EFCAB11: variants seen among roughly 807,000 people sequenced by gnomAD.
EFCAB11 encodes EF-hand calcium-binding domain-containing protein 11.
A neutral mutation model predicts 23.0 loss-of-function variants in EFCAB11; 14 were observed. The ratio of observed to expected loss-of-function variants is 0.61; its 90% CI spans 0.40 to 0.95. The LOEUF (loss-of-function observed/expected upper bound fraction) is 0.95. Ranked by LOEUF, EFCAB11 falls within the 40% of genes least tolerant of loss-of-function variation. The pLI, the probability that EFCAB11 is intolerant of heterozygous loss-of-function variation, is 0.00. For missense variants in EFCAB11, 198 were observed against 195.8 expected, an observed-to-expected ratio of 1.01 and a Z score of -0.07; for synonymous variants, 65 against 66.6, an observed-to-expected ratio of 0.98 and a Z score of 0.11.
rs1053839457 is a variant in EFCAB11, at chr14:89,794,746, G to A, written c.*2497C>T. On this transcript the variant is annotated 3_prime_UTR_variant, in exon 6 of 6. Transcript: ENST00000316738. Reference sequence around the variant, plus strand: ...TTTTAGATAAAGTTTAGTTTAACAGGTTTTGAATAAGACTTTATTTTTTAA... The same window carrying A: ...TTTTAGATAAAGTTTAGTTTAACAGATTTTGAATAAGACTTTATTTTTTAA... 3 of 151,988 alleles carry A rather than the reference G, an allele frequency of 2.0e-5. No homozygotes were observed. The highest frequency in any genetic ancestry group is 7.2e-5 in the African/African-American group (3 of 41,382). 9.4% of individuals were successfully genotyped at this position (151,988 alleles called of 1,614,324 possible). A position where few individuals can be genotyped will look rare whatever the true frequency, so the allele number is the denominator to read the frequency against.
intron 5 of EFCAB11, among the ~76,000 whole-genome samples, chr14:89,882,547 T>TC (rs1566795592): frequency 6.6e-6 from 1 of 152,208 alleles, no homozygotes. Context: ...TCTCTTTTTT[T>TC]TCTCTCTCTA....
intron 5 of EFCAB11, among the ~76,000 whole-genome samples, chr14:89,882,067 C>A (rs762684198): frequency 6.6e-6 from 1 of 152,168 alleles, no homozygotes; most frequent in Non-Finnish European, 1.5e-5. Context: ...TCTAATCCCA[C>A]TTCCCCTTTC....
chr14:89,853,871 G>A (rs1887669207), intron 5 of EFCAB11, among the ~76,000 whole-genome samples: 1 of 152,162 alleles, frequency 6.6e-6, no homozygotes, highest in South Asian at 2.1e-4. Context: ...GGCAATATTT[G>A]TAAGGAAAGA....
chr14:89,937,784 A>G (rs1365242602), intron 3 of EFCAB11, among the ~76,000 whole-genome samples: 2 of 152,154 alleles, frequency 1.3e-5, no homozygotes, highest in Non-Finnish European at 2.9e-5. Flanking sequence ...TCGGCCTCAT[A>G]AAGTACTGGG....
chr14:89,896,240 C>T (rs988861633), intron 5 of EFCAB11, among the ~76,000 whole-genome samples: 5 of 152,048 alleles, frequency 3.3e-5, no homozygotes, highest in African/African-American at 4.8e-5. Flanking sequence ...AAAAATTAGC[C>T]GGGCGTGGCG....
chr14:89,941,549 GATTT>G (rs1402473017), intron 3 of EFCAB11, among the ~76,000 whole-genome samples: 6 of 150,938 alleles, frequency 4.0e-5, no homozygotes, highest in African/African-American at 7.3e-5. Flanking sequence ...TAGGCTTCTG[GATTT>G]ATTTATTTTT....
chr14:89,811,093 T>C (rs1886137025), intron 5 of EFCAB11, among the ~76,000 whole-genome samples: 1 of 151,528 alleles, frequency 6.6e-6, no homozygotes, highest in Non-Finnish European at 1.5e-5. Context: ...ATGGAGCTAA[T>C]AAGAGAGGTG....
chr14:89,876,912 C>T (rs1888458165), intron 5 of EFCAB11, among the ~76,000 whole-genome samples: 1 of 150,978 alleles, frequency 6.6e-6, no homozygotes, highest in African/African-American at 2.5e-5. Flanking sequence ...ATCCTGCTTA[C>T]AAGGCAAGAA....
chr14:89,834,505 G>A (rs983337007), intron 5 of EFCAB11, among the ~76,000 whole-genome samples: 18 of 151,998 alleles, frequency 1.2e-4, no homozygotes, highest in Admixed American at 6.6e-4. Flanking sequence ...TCCAGGCAAG[G>A]CACTGGGAGT....
chr14:89,909,643 C>T lies in EFCAB11; in HGVS notation c.410+21898G>A, dbSNP rs528435184. Among the ~76,000 whole-genome samples, 17 of 127,708 alleles carry T rather than the reference C, an allele frequency of 1.3e-4. 1 individual carries two copies. In the South Asian group the frequency reaches 4.0e-3, roughly 30 times the overall value. The allele number at this position is 127,708 out of a possible 152,430, so 83.8% of individuals were successfully genotyped here. On this transcript the variant is annotated intron_variant, in intron 5 of 5. Coordinates refer to ENST00000316738, the MANE Select transcript of EFCAB11 (RefSeq NM_145231.4). Reference sequence around the variant, plus strand: ...ACTTCCCTACATTTCGATGGCTTCCCGGTATCTCAGGATAAAGTCTGAACT... The same window carrying T: ...ACTTCCCTACATTTCGATGGCTTCCTGGTATCTCAGGATAAAGTCTGAACT...
intron 5 of EFCAB11, among the ~76,000 whole-genome samples, chr14:89,909,273 G>C (rs145336134): frequency 1.3e-5 from 2 of 152,286 alleles, no homozygotes; most frequent in East Asian, 1.9e-4. Context: ...CACTAGGAGA[G>C]ATCATGTAAG....
chr14:89,891,892 G>T lies in EFCAB11; in HGVS notation c.410+39649C>A, dbSNP rs766276751. Among the ~76,000 whole-genome samples the T allele has an allele frequency of 1.4e-3, 219 of 152,118 alleles. 1 individual carries two copies. Among genetic ancestry groups the T allele is most frequent in the Non-Finnish European group, 1.3e-3 (87 of 67,974 alleles). ...TGCTGCGGAGCTACGTGGCGGGCGC[G>T]CCTGGCGCCCCACAGCCCAAGCCCG... On this transcript the variant is annotated intron_variant, in intron 5 of 5. Transcript: ENST00000316738.
intron 5 of EFCAB11, among the ~76,000 whole-genome samples, chr14:89,913,335 C>T (rs1431364854): frequency 6.6e-6 from 1 of 152,182 alleles, no homozygotes; most frequent in Non-Finnish European, 1.5e-5. Context: ...TATTTATCTA[C>T]TGAAAATGGC....
chr14:89,941,328 T>C (rs2139828758), intron 3 of EFCAB11, among the ~76,000 whole-genome samples: 1 of 152,286 alleles, frequency 6.6e-6, no homozygotes, highest in Admixed American at 6.5e-5. Context: ...TTGATTCTAC[T>C]CCTGACTTCA....
At chr14:89,877,271 T>C (rs1050175520) in intron 5 of EFCAB11, among the ~76,000 whole-genome samples, 1 of 151,994 alleles carries the variant, frequency 6.6e-6, no homozygotes, top group African/African-American at 2.4e-5. Context: ...AACTCCTGAC[T>C]TTGTGATCTG....
intron 3 of EFCAB11, among the ~76,000 whole-genome samples, chr14:89,941,966 C>T (rs545010233): frequency 6.6e-6 from 1 of 152,244 alleles, no homozygotes; most frequent in Non-Finnish European, 1.5e-5. Context: ...TGGGAGGTGA[C>T]TGAATCATGA....
At position 89,825,102 on chromosome 14, in the gene EFCAB11, C is replaced by CAA. The variant is rs35074143; in HGVS notation, c.411-27780_411-27779dup. The stretch of plus-strand genomic sequence containing the variant: ...CATTTACCAAGATAGATGCTGGGAC[C>CAA]AAAAAAAAAAAAAAAAAAAAAGTTG... On this transcript the variant is annotated intron_variant, in intron 5 of 5. Coordinates refer to ENST00000316738, the MANE Select transcript of EFCAB11 (RefSeq NM_145231.4). Among the ~76,000 whole-genome samples, 57 of 60,200 alleles carry CAA rather than the reference C, an allele frequency of 9.5e-4. 1 individual carries two copies. Among genetic ancestry groups the CAA allele is most frequent in the Middle Eastern group, 0.014 (1 of 74 alleles). 39.5% of individuals were successfully genotyped at this position (60,200 alleles called of 152,430 possible).
rs9026 is a variant in EFCAB11 at position 89,797,156 on chromosome 14, T to A, written c.*87A>T. 0.41 allele frequency: 523,224 copies of A among 1,282,908 alleles called. 112,430 individuals are homozygous for A. Among genetic ancestry groups the A allele is most frequent in the Middle Eastern group, 0.48 (2,513 of 5,200 alleles). The allele number at this position is 1,282,908 out of a possible 1,614,324, so 79.5% of individuals were successfully genotyped here. The stretch of plus-strand genomic sequence containing the variant: ...ATTTTTAAATGTTTAATCACAAGTC[T>A]GTAGCATGACATCATTAGTAGAGTC... On this transcript the variant is annotated 3_prime_UTR_variant, in exon 6 of 6. Transcript: ENST00000316738.
chr14:89,924,063 T>A (rs1890110237), intron 5 of EFCAB11: 1 of 985,484 alleles, frequency 1.0e-6, no homozygotes, highest in African/African-American at 1.7e-5. Flanking sequence ...CTATATAATT[T>A]TTCTGCCAAG....
Sources: gnomAD v4.1 joint callset for allele counts (sites outside exome capture counted in the v4.1 genomes callset) on GRCh38, gnomAD v4.1.1 for gene constraint, MANE v1.5 for transcripts, NCBI Gene and HGNC (gene_info 2026-07-23, HGNC 2026-07-21) for gene names.